TMCC1: variants seen among roughly 807,000 people sequenced by gnomAD.
The protein encoded by TMCC1 is transmembrane and coiled-coil domain family 1, also known as transmembrane and coiled-coil domains protein 1.
In TMCC1, 15 loss-of-function variants were observed where a neutral mutation model predicts 52.4. The observed-to-expected ratio is 0.29, with a 90% CI of 0.19 to 0.44. TMCC1 has a LOEUF of 0.44. Ranked by LOEUF, TMCC1 falls within the 20% of genes least tolerant of loss-of-function variation. The probability of loss-of-function intolerance (pLI) is 1.00; values close to 1 mark genes in which losing one functional copy is unlikely to be tolerated. For synonymous variants in TMCC1, 279 were observed against 301.9 expected (o/e 0.92, Z 0.79); for missense variants, 503 against 806.0 (o/e 0.62, Z 4.55).
intron 5 of TMCC1, among the ~76,000 whole-genome samples, chr3:129,657,152 G>A (rs1399832209): frequency 1.3e-5 from 2 of 152,134 alleles, no homozygotes; most frequent in East Asian, 3.8e-4. Context: ...GTGGCAGGGA[G>A]GGGAGCAGGG....
At chr3:129,788,700 C>T (rs1167857788) in intron 4 of TMCC1, among the ~76,000 whole-genome samples, 1 of 151,912 alleles carries the variant, frequency 6.6e-6, no homozygotes, top group East Asian at 1.9e-4. Context: ...GATCTCCTGA[C>T]CTCGTGATCC....
At chr3:129,678,156 G>C (rs987435033) in intron 4 of TMCC1, among the ~76,000 whole-genome samples, 1 of 151,984 alleles carries the variant, frequency 6.6e-6, no homozygotes, top group African/African-American at 2.4e-5. Flanking sequence ...CTGGCCTCAA[G>C]TGATCCACCC....
intron 4 of TMCC1, among the ~76,000 whole-genome samples, chr3:129,767,374 A>C (rs1386546328): frequency 6.8e-6 from 1 of 147,252 alleles, no homozygotes; most frequent in Non-Finnish European, 1.5e-5. Context: ...ACCACAGTCA[A>C]TTTTTTTTTT....
At chr3:129,772,101 G>A (rs1392193885) in intron 4 of TMCC1, among the ~76,000 whole-genome samples, 1 of 152,182 alleles carries the variant, frequency 6.6e-6, no homozygotes, top group African/African-American at 2.4e-5. Context: ...GTCCACACCT[G>A]TAATCCCACC....
intron 4 of TMCC1, among the ~76,000 whole-genome samples, chr3:129,689,695 T>G (rs2089658251): frequency 6.6e-6 from 1 of 152,192 alleles, no homozygotes; most frequent in Non-Finnish European, 1.5e-5. Flanking sequence ...CATCTTTCAC[T>G]TAAACCATAC....
rs2086349336 is a variant in TMCC1, at chr3:129,651,858, G to A, written c.1648-63C>T. ...CACAAGTATTCTGAGATGCTGACAT[G>A]CCCCCTGGGCAAGCCAGATGCATCT... is the stretch of plus-strand genomic sequence containing the variant. On this transcript the variant is annotated intron_variant, in intron 6 of 6. Transcript: ENST00000393238. The surrounding 1 kb of genome is among the most constrained non-coding windows in gnomAD (Gnocchi z 5.1). The A allele has an allele frequency of 6.5e-7, 1 of 1,528,794 alleles. No individual in the cohort carries two copies. Among genetic ancestry groups the A allele is most frequent in the Non-Finnish European group, 8.8e-7 (1 of 1,138,880 alleles). The allele number at this position is 1,528,794 out of a possible 1,614,324, so 94.7% of individuals were successfully genotyped here.
At position 129,650,405 on chromosome 3, in the gene TMCC1, G is replaced by A. The variant is rs1053656609; in HGVS notation, c.*1076C>T. The A allele has an allele frequency of 1.3e-5, 2 of 152,458 alleles. No individual in the cohort carries two copies. The highest frequency in any genetic ancestry group is 4.8e-5 in the African/African-American group (2 of 41,386). The allele number at this position is 152,458 out of a possible 1,614,324, so 9.4% of individuals were successfully genotyped here. On this transcript the variant is annotated 3_prime_UTR_variant, in exon 7 of 7. Transcript: ENST00000393238. ...TAAAACGGGGGCGTAGGTATGTCGG[G>A]ACACCAAAAAGCAGCAGCAGCAGCC...
chr3:129,718,048 G>A (rs1384760110), intron 4 of TMCC1, among the ~76,000 whole-genome samples: 3 of 151,932 alleles, frequency 2.0e-5, no homozygotes, highest in Non-Finnish European at 4.4e-5. Context: ...AACAATTTGG[G>A]AAAAAATGGC....
chr3:129,688,119 T>C (rs2089539828), intron 4 of TMCC1: 2 of 982,610 alleles, frequency 2.0e-6, no homozygotes, highest in South Asian at 4.7e-5. Context: ...AGCAATTCCA[T>C]ACAGCTGATA....
At chr3:129,714,964 T>C (rs1177684174) in intron 4 of TMCC1, among the ~76,000 whole-genome samples, 1 of 152,172 alleles carries the variant, frequency 6.6e-6, no homozygotes, top group Non-Finnish European at 1.5e-5. Flanking sequence ...ATTTTACTTA[T>C]CTGAAAAATA....
chr3:129,692,540 CTTG>C (rs796703927), intron 4 of TMCC1, among the ~76,000 whole-genome samples: 5 of 152,212 alleles, frequency 3.3e-5, no homozygotes, highest in East Asian at 1.9e-4. Context: ...TCATTTTTGC[CTTG>C]TTAAGAAGGT....
At chr3:129,697,234 C>T (rs566694882) in intron 4 of TMCC1, among the ~76,000 whole-genome samples, 1 of 152,300 alleles carries the variant, frequency 6.6e-6, no homozygotes, top group South Asian at 2.1e-4. Flanking sequence ...GGTGGAGGTT[C>T]CCAAACCTCA....
chr3:129,810,859 C>T (rs2057766755), intron 4 of TMCC1, among the ~76,000 whole-genome samples: 1 of 152,106 alleles, frequency 6.6e-6, no homozygotes, highest in Non-Finnish European at 1.5e-5. Context: ...TGTTCTTTCA[C>T]CTAGAAGAAT....
chr3:129,820,572 T>C lies in TMCC1; in HGVS notation c.576+7231A>G, dbSNP rs542964712. ...AGAGGCACAAGTAGAATAGGCTGCT[T>C]TGGGAGATTCTGAGAGGCCAGACAA... On this transcript the variant is annotated intron_variant, in intron 4 of 6. Transcript: ENST00000393238. Among the ~76,000 whole-genome samples, 8 of 152,084 alleles carry C rather than the reference T, an allele frequency of 5.3e-5. No homozygotes were observed. In the East Asian group the frequency reaches 1.6e-3, roughly 30 times the overall value.
chr3:129,867,061 C>T (rs145656072), intron 2 of TMCC1: 1 of 152,010 alleles, frequency 6.6e-6, no homozygotes, highest in African/African-American at 2.4e-5. Flanking sequence ...CAACTGTCCT[C>T]ACCTACACGA....
intron 4 of TMCC1, among the ~76,000 whole-genome samples, chr3:129,806,851 T>C (rs2057493867): frequency 6.6e-6 from 1 of 150,910 alleles, no homozygotes; most frequent in African/African-American, 2.4e-5. Flanking sequence ...GATTGGAAAA[T>C]AAACTTTAAG....
chr3:129,711,743 C>G (rs1372802511), intron 4 of TMCC1, among the ~76,000 whole-genome samples: 1 of 149,794 alleles, frequency 6.7e-6, no homozygotes, highest in Admixed American at 6.7e-5. Flanking sequence ...GTAATCCCAG[C>G]ACTTTGGGAG....
At chr3:129,693,417 T>C (rs1030022454) in intron 4 of TMCC1, among the ~76,000 whole-genome samples, 1 of 152,104 alleles carries the variant, frequency 6.6e-6, no homozygotes, top group Admixed American at 6.6e-5. Context: ...AATAATCAAG[T>C]ATTGTTTCTT....
Position 129,827,920 on chromosome 3 carries a change from T to A in TMCC1, c.459A>T (p.Arg153=). 6.2e-7 allele frequency: 1 copy of A among 1,614,146 alleles called. No individual in the cohort carries two copies. Among genetic ancestry groups the A allele is most frequent in the Non-Finnish European group, 8.5e-7 (1 of 1,180,020 alleles). The change falls in exon 4 of 7, where the codon CGA becomes CGT. Residue 153 remains arginine, a synonymous_variant. Transcript: ENST00000393238. ...CATCAGTTGTGGATGAAGACCTGGG[T>A]CGGCCTGACTGCATAACAGCTGTCA... ...QEMTAVMQSG[R]PRSSSTTDAP...
Sources: allele counts gnomAD v4.1 joint callset (sites outside exome capture counted in the v4.1 genomes callset), GRCh38; gene constraint gnomAD v4.1.1; non-coding constraint Gnocchi (gnomAD v3.1); transcripts MANE v1.5; gene names NCBI Gene and HGNC (gene_info 2026-07-23, HGNC 2026-07-21).